The following RPTOR variants were observed in gnomAD, a reference collection of about 807,000 sequenced individuals.
RPTOR encodes regulatory-associated protein of mTOR.
RPTOR carries 21 observed loss-of-function variants against 169.9 expected under a neutral mutation model. The ratio of observed to expected loss-of-function variants is 0.12; its 90% CI spans 0.09 to 0.18. The LOEUF (loss-of-function observed/expected upper bound fraction) is 0.18, where lower values mean the gene tolerates loss of function less well. RPTOR is among the 10% of genes least tolerant of loss of function. The pLI is 1.00. For synonymous variants in RPTOR, 732 were observed against 753.2 expected, an observed-to-expected ratio of 0.97 and a Z score of 0.46; for missense variants, 1,133 against 1,855.9, an observed-to-expected ratio of 0.61 and a Z score of 7.16.
intron 6 of RPTOR, among the ~76,000 whole-genome samples, chr17:80,782,084 G>T (rs1303208730): frequency 6.6e-6 from 1 of 152,226 alleles, no homozygotes; most frequent in East Asian, 1.9e-4. Context: ...TTCCCCCAGG[G>T]TATCGCTGGC....
chr17:80,717,305 A>G (rs1299786223), intron 4 of RPTOR, among the ~76,000 whole-genome samples: 1 of 152,218 alleles, frequency 6.6e-6, no homozygotes, highest in Non-Finnish European at 1.5e-5. Context: ...GTTCCAGGAT[A>G]ACAAGGTCTT....
In RPTOR at chr17:80,754,341, G is replaced by T. The variant is rs1044288485; in HGVS notation, c.830+156G>T. ...CTTTTTGTGTCATTCGGGATTCCAG[G>T]TGGAGGTTTGGGTTCTACTCTTTGA... On this transcript the variant is annotated intron_variant, in intron 6 of 33. Coordinates refer to ENST00000306801, the MANE Select transcript of RPTOR (RefSeq NM_020761.3). This position sits in a 1 kb window ranked among gnomAD's most constrained non-coding sequence, Gnocchi z 4.2. Among the ~76,000 whole-genome samples the T allele has an allele frequency of 6.6e-6, 1 of 152,172 alleles. No homozygotes were observed. The highest frequency in any genetic ancestry group is 1.5e-5 in the Non-Finnish European group (1 of 68,032).
intron 2 of RPTOR, among the ~76,000 whole-genome samples, chr17:80,634,347 C>CGTGTGCGT (rs2065473029): frequency 3.4e-5 from 1 of 29,668 alleles, no homozygotes; most frequent in African/African-American, 1.1e-4. Context: ...GTACTGTGTG[C>CGTGTGCGT]ATGTGCGTAC....
chr17:80,627,265 C>T (rs2065403291), intron 2 of RPTOR, among the ~76,000 whole-genome samples: 1 of 152,200 alleles, frequency 6.6e-6, no homozygotes, highest in South Asian at 2.1e-4. Context: ...GGTGATCCAC[C>T]CGCCTTGGCC....
intron 6 of RPTOR, chr17:80,773,702 C>G (rs1189666407): frequency 1.3e-6 from 1 of 794,768 alleles, no homozygotes; most frequent in East Asian, 1.3e-4. Flanking sequence ...TTTGCTTCCT[C>G]TGGCACCAGG....
chr17:80,850,321 T>C (rs1181657653), intron 11 of RPTOR, among the ~76,000 whole-genome samples: 3 of 152,260 alleles, frequency 2.0e-5, no homozygotes, highest in African/African-American at 4.8e-5. Flanking sequence ...GTTGGTTTTC[T>C]GTTTCTGAGT....
intron 4 of RPTOR, among the ~76,000 whole-genome samples, chr17:80,713,323 G>A (rs2066212008): frequency 6.6e-6 from 1 of 152,186 alleles, no homozygotes; most frequent in Non-Finnish European, 1.5e-5. Flanking sequence ...TGGGATCATA[G>A]GCATGAGCCA....
At chr17:80,903,957 G>T (rs555360682) in intron 20 of RPTOR, among the ~76,000 whole-genome samples, 32 of 152,338 alleles carry the variant, frequency 2.1e-4, no homozygotes, top group Admixed American at 2.0e-3. Flanking sequence ...ATGAACAACA[G>T]TTTTCCAATG....
chr17:80,742,801 C>A (rs920231040), intron 5 of RPTOR, among the ~76,000 whole-genome samples: 2 of 151,996 alleles, frequency 1.3e-5, no homozygotes, highest in African/African-American at 4.8e-5. Flanking sequence ...CATGCACACG[C>A]CTATATACAC....
At chr17:80,743,256 G>C in intron 5 of RPTOR, 1 of 985,442 alleles carries the variant, frequency 1.0e-6, no homozygotes, top group South Asian at 4.7e-5. Context: ...CAGAAACACA[G>C]CAGCTGATGA....
Position 80,820,175 on chromosome 17 carries a change from GCTGT to G in RPTOR, c.891-2020_891-2017del, listed in dbSNP as rs2067365014. ...CAGAGCTTCGGCGTGTGGTCTGGGC[GCTGT>G]CTGTCCTCTGCATGGCTTTGGTAAG... On this transcript the variant is annotated intron_variant, in intron 7 of 33. Transcript: ENST00000306801. The surrounding 1 kb of genome is among the most constrained non-coding windows in gnomAD (Gnocchi z 4.1). Among the ~76,000 whole-genome samples, 1 of 152,206 alleles carries G rather than the reference GCTGT, an allele frequency of 6.6e-6. No individual in the cohort carries two copies. The highest frequency in any genetic ancestry group is 1.5e-5 in the Non-Finnish European group (1 of 68,046).
At chr17:80,825,684 T>C (rs1440574715) in intron 9 of RPTOR, among the ~76,000 whole-genome samples, 1 of 152,124 alleles carries the variant, frequency 6.6e-6, no homozygotes, top group African/African-American at 2.4e-5. Context: ...ATCACAAGGG[T>C]GCCTCGCAGC....
chr17:80,587,122 A>T (rs1599578764), intron 1 of RPTOR, among the ~76,000 whole-genome samples: 1 of 152,148 alleles, frequency 6.6e-6, no homozygotes, highest in African/African-American at 2.4e-5. Context: ...GGGGCGCCTC[A>T]CCGGCCCGGC....
intron 6 of RPTOR, among the ~76,000 whole-genome samples, chr17:80,776,319 T>C (rs539951134): frequency 1.5e-4 from 19 of 127,814 alleles, no homozygotes; most frequent in Admixed American, 1.2e-3. Flanking sequence ...TTGCCAAACT[T>C]CCTTTTTTTT....
At chr17:80,722,485 T>G (rs77284528) in intron 4 of RPTOR, among the ~76,000 whole-genome samples, 2,239 of 150,724 alleles carry the variant, frequency 0.015, 173 homozygotes, top group African/African-American at 0.053. Context: ...TTTGGAAGAA[T>G]GAGCTGAGGC....
intron 1 of RPTOR, among the ~76,000 whole-genome samples, chr17:80,550,147 T>G (rs951828369): frequency 2.0e-5 from 3 of 152,218 alleles, no homozygotes; most frequent in African/African-American, 4.8e-5. Flanking sequence ...TTGCGTCCTC[T>G]CCACATTCCA....
chr17:80,684,681 G>A (rs573256764), intron 3 of RPTOR, among the ~76,000 whole-genome samples: 122 of 152,174 alleles, frequency 8.0e-4, no homozygotes, highest in Middle Eastern at 3.4e-3. Context: ...TCCTGACCTC[G>A]TGATCCACCC....
chr17:80,729,171 A>T (rs2066367618), intron 4 of RPTOR, among the ~76,000 whole-genome samples: 1 of 152,156 alleles, frequency 6.6e-6, no homozygotes, highest in South Asian at 2.1e-4. Context: ...TGCACGCCAT[A>T]CTTCCCCAGG....
At position 80,634,612 on chromosome 17, in the gene RPTOR, T is replaced by TGCGG. The variant is rs767323214; in HGVS notation, c.265+8819_265+8820insGCGG. Among the ~76,000 whole-genome samples, 15 of 82,792 alleles carry TGCGG rather than the reference T, an allele frequency of 1.8e-4. 3 individuals carry two copies. Among genetic ancestry groups the TGCGG allele is most frequent in the African/African-American group, 7.6e-4 (15 of 19,658 alleles). The allele number at this position is 82,792 out of a possible 152,430, so 54.3% of individuals were successfully genotyped here. A position where few individuals can be genotyped will look rare whatever the true frequency, so the allele number is the denominator to read the frequency against. On this transcript the variant is annotated intron_variant, in intron 2 of 33. Coordinates refer to ENST00000306801, the MANE Select transcript of RPTOR (RefSeq NM_020761.3). Reference sequence around the variant, plus strand: ...ACTGTGTGTGTGCGTACTGTGTGTGTACTGTGTGCGTGTGCGTACTGTGTG... The same window carrying TGCGG: ...ACTGTGTGTGTGCGTACTGTGTGTGTGCGGACTGTGTGCGTGTGCGTACTGTGTG...
Sources: allele counts gnomAD v4.1 joint callset (sites outside exome capture counted in the v4.1 genomes callset), GRCh38; gene constraint gnomAD v4.1.1; non-coding constraint Gnocchi (gnomAD v3.1); transcripts MANE v1.5; gene names NCBI Gene and HGNC (gene_info 2026-07-23, HGNC 2026-07-21).